The following CACNA1E variants were observed in gnomAD, a reference collection of about 807,000 sequenced individuals.
CACNA1E encodes the protein voltage-dependent R-type calcium channel subunit alpha-1E.
Under a neutral mutation model 259.2 loss-of-function variants are expected in CACNA1E, and 40 were observed. The ratio of observed to expected loss-of-function variants is 0.15; its 90% confidence interval spans 0.12 to 0.20. The LOEUF is 0.20. Ranked by LOEUF, CACNA1E falls within the 10% of genes least tolerant of loss-of-function variation. The pLI, the probability that CACNA1E is intolerant of heterozygous loss-of-function variation, is 1.00. For missense variants in CACNA1E, 1,874 were observed against 3,040.1 expected (o/e 0.62, Z 9.02); for synonymous variants, 1,104 against 1,138.5 (o/e 0.97, Z 0.61).
rs796187944 is a variant in CACNA1E at position 181,348,816 on chromosome 1, CTGGGCAG to C, written c.-15+30695_-15+30701del. The stretch of plus-strand genomic sequence containing the variant: ...TGTCTACTTACAACTTAGGAGAGCA[CTGGGCAG>C]TAGAGCCTGTGGGGAGCAGCAGTGA... On this transcript the variant is annotated intron_variant, in intron 1 of 11. Coordinates refer to the CACNA1E transcript ENST00000524607. 8.5e-5 allele frequency among the ~76,000 whole-genome samples: 13 copies of C among 152,290 alleles called. 1 individual carries two copies. Among genetic ancestry groups the C allele is most frequent in the African/African-American group, 3.1e-4 (13 of 41,566 alleles).
intron 1 of CACNA1E, among the ~76,000 whole-genome samples, chr1:181,395,492 A>T (rs1438903041): frequency 1.3e-5 from 2 of 152,236 alleles, no homozygotes; most frequent in African/African-American, 4.8e-5. Context: ...GACAACATAT[A>T]TGGTAATTCA....
chr1:181,556,984 C>T (rs1648794208), intron 3 of CACNA1E, among the ~76,000 whole-genome samples: 1 of 152,194 alleles, frequency 6.6e-6, no homozygotes, highest in Non-Finnish European at 1.5e-5. Context: ...GATCAGCAGG[C>T]TGTGAACATC....
At chr1:181,484,408 T>A (rs561943908) in intron 1 of CACNA1E, among the ~76,000 whole-genome samples, 1 of 152,326 alleles carries the variant, frequency 6.6e-6, no homozygotes, top group South Asian at 2.1e-4. Context: ...CCAGCCACTC[T>A]GCCCGTATCC....
chr1:181,400,426 A>T (rs1657011522), intron 1 of CACNA1E, among the ~76,000 whole-genome samples: 1 of 151,920 alleles, frequency 6.6e-6, no homozygotes, highest in Admixed American at 6.6e-5. Flanking sequence ...CCCTCTGGGG[A>T]GGCTGCAGAC....
At chr1:181,583,653 A>G (rs1336588066) in intron 6 of CACNA1E, among the ~76,000 whole-genome samples, 2 of 152,154 alleles carry the variant, frequency 1.3e-5, no homozygotes, top group African/African-American at 2.4e-5. Context: ...TGCTCTGCCA[A>G]TGATTACTAT....
intron 6 of CACNA1E, among the ~76,000 whole-genome samples, chr1:181,614,813 C>T (rs1465949218): frequency 6.6e-5 from 10 of 152,262 alleles, no homozygotes; most frequent in Middle Eastern, 3.4e-3. Flanking sequence ...TTTGTGCATT[C>T]ATGACATACC....
chr1:181,721,677 G>T, intron 15 of CACNA1E, 81 bp from the exon 16 acceptor site: 1 of 766,386 alleles, frequency 1.3e-6, no homozygotes. Context: ...AAAGACCCAG[G>T]CCCAGAATTT....
At chr1:181,713,418 C>T (rs939880091) in intron 8 of CACNA1E, among the ~76,000 whole-genome samples, 1 of 152,180 alleles carries the variant, frequency 6.6e-6, no homozygotes. Flanking sequence ...ACCAATAACA[C>T]TTAACCTGTT....
chr1:181,686,112 C>G (rs911929126), intron 7 of CACNA1E, among the ~76,000 whole-genome samples: 3 of 152,044 alleles, frequency 2.0e-5, no homozygotes, highest in Admixed American at 1.3e-4. Flanking sequence ...ATCCAGGCCC[C>G]TGACTCCTAG....
At chr1:181,662,358 C>T (rs1314728526) in intron 7 of CACNA1E, among the ~76,000 whole-genome samples, 1 of 152,130 alleles carries the variant, frequency 6.6e-6, no homozygotes, top group Non-Finnish European at 1.5e-5. Context: ...AGTGTTAGAC[C>T]TTGGCTAGAA....
chr1:181,598,940 T>C (rs894761694), intron 6 of CACNA1E, among the ~76,000 whole-genome samples: 2 of 152,218 alleles, frequency 1.3e-5, no homozygotes, highest in African/African-American at 2.4e-5. Context: ...ATTTTTTTTT[T>C]TTTAAATTTC....
intron 22 of CACNA1E, among the ~76,000 whole-genome samples, chr1:181,736,932 C>T (rs548564202): frequency 3.9e-5 from 6 of 152,154 alleles, no homozygotes; most frequent in African/African-American, 1.4e-4. Flanking sequence ...GGTGACAGAG[C>T]GGAGTCTGGA....
At position 181,762,652 on chromosome 1, in the gene CACNA1E, A is replaced by G. The variant is rs1412630526; in HGVS notation, c.4684A>G (p.Ser1562Gly). Reference protein sequence around the residue: ...GSITEIILTDSKLVNTSGFNM... With the variant: ...GSITEIILTDGKLVNTSGFNM... Reference sequence around the variant, plus strand: ...TATCACAGAAATTATCCTGACAGACAGCAAGGTGAATGGCTTATAAGATCC... The same window carrying G: ...TATCACAGAAATTATCCTGACAGACGGCAAGGTGAATGGCTTATAAGATCC... Residue 1562 changes from serine (S) to glycine (G), a missense_variant, in exon 33 of 48, where the codon AGC (serine) becomes GGC (glycine). Around this residue, in one of 14 missense-constraint regions of CACNA1E, gnomAD observed 188 missense variants for 540.6 expected, o/e 0.35. Coordinates refer to ENST00000367573, the MANE Select transcript of CACNA1E (RefSeq NM_001205293.3). 1 of 1,587,162 alleles carries G rather than the reference A, an allele frequency of 6.3e-7. No homozygotes were observed. The highest frequency in any genetic ancestry group is 1.7e-5 in the Admixed American group (1 of 59,116).
intron 2 of CACNA1E, among the ~76,000 whole-genome samples, chr1:181,414,208 G>C (rs1658093675): frequency 6.6e-6 from 1 of 152,202 alleles, no homozygotes; most frequent in South Asian, 2.1e-4. Context: ...GGTTGCCCCA[G>C]GTTTTTGCTC....
intron 23 of CACNA1E, 93 bp from the exon 24 acceptor site, chr1:181,738,274 G>T (rs11809526): frequency 4.6e-5 from 44 of 958,552 alleles, no homozygotes; most frequent in Middle Eastern, 2.2e-4. Flanking sequence ...CAGGGTGGGC[G>T]TGCACGAGTG....
chr1:181,770,980 A>G (rs1163085636), intron 35 of CACNA1E, among the ~76,000 whole-genome samples: 1 of 152,214 alleles, frequency 6.6e-6, no homozygotes, highest in African/African-American at 2.4e-5. Flanking sequence ...GACAGGTACC[A>G]TGGAACTAAA....
At chr1:181,402,383 C>A (rs111405304) in intron 1 of CACNA1E, among the ~76,000 whole-genome samples, 213 of 152,258 alleles carry the variant, frequency 1.4e-3, no homozygotes, top group Admixed American at 4.2e-3. Flanking sequence ...GGTCCCAAGA[C>A]TCATTTTTCC....
At chr1:181,730,269 C>T (rs1236872620) in intron 18 of CACNA1E, among the ~76,000 whole-genome samples, 1 of 152,220 alleles carries the variant, frequency 6.6e-6, no homozygotes, top group African/African-American at 2.4e-5. Context: ...CAGGTCCAAG[C>T]AGGGCCCACT....
rs75331856 is a variant in CACNA1E, at chr1:181,350,561, T to G, written c.-15+32438T>G. ...TCGCAGAGCTCAGCTTGCCCAGGACTGAGACAACGTTAGACGGAATGAGTC... is the reference window on the plus strand; with the variant it reads ...TCGCAGAGCTCAGCTTGCCCAGGACGGAGACAACGTTAGACGGAATGAGTC... On this transcript the variant is annotated intron_variant, in intron 1 of 11. Coordinates refer to the CACNA1E transcript ENST00000524607. Among the ~76,000 whole-genome samples, 961 of 152,310 alleles carry G rather than the reference T, an allele frequency of 6.3e-3. 16 individuals carry two copies. Among genetic ancestry groups the G allele is most frequent in the African/African-American group, 0.022 (928 of 41,560 alleles).
Sources: allele counts gnomAD v4.1 joint callset (sites outside exome capture counted in the v4.1 genomes callset), GRCh38; gene constraint gnomAD v4.1.1; regional missense constraint gnomAD v4.1.1; transcripts MANE v1.5; gene names NCBI Gene and HGNC (gene_info 2026-07-23, HGNC 2026-07-21).